PTPRK: variants seen among roughly 807,000 people sequenced by gnomAD.
PTPRK encodes protein tyrosine phosphatase receptor type K, also known as receptor-type tyrosine-protein phosphatase kappa.
Under a neutral mutation model 178.0 loss-of-function variants are expected in PTPRK, and 75 were observed. The ratio of observed to expected loss-of-function variants is 0.42; its 90% CI spans 0.35 to 0.51. PTPRK has a LOEUF of 0.51. Ranked by LOEUF, PTPRK falls within the 20% of genes least tolerant of loss-of-function variation. The pLI, the probability that PTPRK is intolerant of heterozygous loss-of-function variation, is 0.02. For synonymous variants in PTPRK, 637 were observed against 620.6 expected (o/e 1.03, Z -0.39); for missense variants, 1,441 against 1,797.8 (o/e 0.80, Z 3.59).
intron 1 of PTPRK, among the ~76,000 whole-genome samples, chr6:128,415,674 A>T (rs570824690): frequency 6.6e-6 from 1 of 152,324 alleles, no homozygotes; most frequent in South Asian, 2.1e-4. Context: ...CTTGTTGAAG[A>T]TAATGGCATG....
intron 2 of PTPRK, among the ~76,000 whole-genome samples, chr6:128,343,315 C>G (rs1264627084): frequency 6.6e-6 from 1 of 151,926 alleles, no homozygotes; most frequent in Non-Finnish European, 1.5e-5. Flanking sequence ...GCCTGGCCAA[C>G]ATGGTGAGAC....
chr6:128,151,786 T>A (rs1302591688), intron 7 of PTPRK, among the ~76,000 whole-genome samples: 1 of 151,920 alleles, frequency 6.6e-6, no homozygotes, highest in Non-Finnish European at 1.5e-5. Flanking sequence ...GGAAACAGAA[T>A]AACAGATGAT....
chr6:128,112,401 G>C (rs910006792), intron 7 of PTPRK, among the ~76,000 whole-genome samples: 2 of 151,934 alleles, frequency 1.3e-5, no homozygotes, highest in Non-Finnish European at 2.9e-5. Flanking sequence ...AGAAAAATAA[G>C]GTATTGAATC....
intron 7 of PTPRK, among the ~76,000 whole-genome samples, chr6:128,180,624 A>G (rs1314737193): frequency 6.6e-6 from 1 of 152,116 alleles, no homozygotes; most frequent in Non-Finnish European, 1.5e-5. Flanking sequence ...AGCTTTGGCA[A>G]CCAGACAGGA....
chr6:128,001,998 C>T (rs73582617), intron 15 of PTPRK, among the ~76,000 whole-genome samples: 1,840 of 151,932 alleles, frequency 0.012, 41 homozygotes, highest in African/African-American at 0.042. Context: ...TGTGATAAGA[C>T]CACTCCCTGG....
At chr6:128,431,980 G>T (rs1215202520) in intron 1 of PTPRK, among the ~76,000 whole-genome samples, 1 of 152,026 alleles carries the variant, frequency 6.6e-6, no homozygotes, top group Non-Finnish European at 1.5e-5. Context: ...AAGGAAGGAA[G>T]GAAGGAAGGA....
chr6:128,204,433 G>A (rs1404793042), intron 6 of PTPRK, among the ~76,000 whole-genome samples: 1 of 151,090 alleles, frequency 6.6e-6, no homozygotes, highest in Non-Finnish European at 1.5e-5. Flanking sequence ...GGGATCTAAC[G>A]AAAGAACTTC....
chr6:128,409,770 C>T (rs1017284376), intron 1 of PTPRK, among the ~76,000 whole-genome samples: 4 of 152,134 alleles, frequency 2.6e-5, no homozygotes, highest in African/African-American at 9.6e-5. Flanking sequence ...TAAAAGGGGG[C>T]GTTTTCCTGC....
intron 7 of PTPRK, 96 bp downstream of exon 7, chr6:128,184,334 CAT>C: frequency 2.5e-6 from 3 of 1,178,658 alleles, no homozygotes; most frequent in East Asian, 5.1e-5. Flanking sequence ...GTGACTATAT[CAT>C]ATATCAAATA....
At chr6:128,445,676 T>A (rs914321610) in intron 1 of PTPRK, among the ~76,000 whole-genome samples, 5 of 152,178 alleles carry the variant, frequency 3.3e-5, no homozygotes, top group East Asian at 1.9e-4. Context: ...TTGATTTTTT[T>A]AAATGTTTTG....
chr6:128,316,262 C>T (rs1210532228), intron 3 of PTPRK, among the ~76,000 whole-genome samples: 1 of 152,162 alleles, frequency 6.6e-6, no homozygotes, highest in Non-Finnish European at 1.5e-5. Context: ...GTATCTCTTC[C>T]ACTGCTCCTT....
chr6:128,007,889 G>A (rs1022837478), intron 14 of PTPRK, among the ~76,000 whole-genome samples: 2 of 150,854 alleles, frequency 1.3e-5, no homozygotes, highest in Non-Finnish European at 3.0e-5. Flanking sequence ...GATTTTTATT[G>A]ATCTTTACTG....
chr6:128,159,281 T>C (rs1403865168), intron 7 of PTPRK, among the ~76,000 whole-genome samples: 1 of 151,876 alleles, frequency 6.6e-6, no homozygotes, highest in African/African-American at 2.4e-5. Flanking sequence ...CAAAAGGATA[T>C]AGCAAGTTTC....
At chr6:128,196,528 C>T (rs1380740534) in intron 6 of PTPRK, among the ~76,000 whole-genome samples, 1 of 152,120 alleles carries the variant, frequency 6.6e-6, no homozygotes. Context: ...ACTTTCACAC[C>T]TTAATGGGGC....
intron 2 of PTPRK, among the ~76,000 whole-genome samples, chr6:128,339,441 G>GT (rs2081151447): frequency 6.6e-6 from 1 of 152,068 alleles, no homozygotes; most frequent in African/African-American, 2.4e-5. Context: ...ATCTACTAAT[G>GT]TATTTTTCCC....
chr6:128,069,199 A>T lies in PTPRK; in HGVS notation c.1884-1407T>A, dbSNP rs545174904. ...GTTATTTAAGCTCCCATTTTCCATT[A>T]AAATATTGCTAATAAATCAGTAGGT... On this transcript the variant is annotated intron_variant, in intron 11 of 29. Coordinates refer to ENST00000368226, the MANE Select transcript of PTPRK (RefSeq NM_002844.4). Among the ~76,000 whole-genome samples, 10 of 152,322 alleles carry T rather than the reference A, an allele frequency of 6.6e-5. 1 individual carries two copies. The South Asian group carries it at 2.1e-3, about 32-fold the overall frequency.
chr6:128,435,885 C>T (rs1466074735), intron 1 of PTPRK, among the ~76,000 whole-genome samples: 1 of 151,688 alleles, frequency 6.6e-6, no homozygotes, highest in East Asian at 1.9e-4. Flanking sequence ...CTCAAATAAA[C>T]CATACTAGAA....
At chr6:128,451,689 C>T (rs765594837) in intron 1 of PTPRK, among the ~76,000 whole-genome samples, 1 of 151,790 alleles carries the variant, frequency 6.6e-6, no homozygotes, top group African/African-American at 2.4e-5. Flanking sequence ...ACGTTTTATG[C>T]TAACATGTAA....
chr6:128,042,628 A>G (rs916820008), intron 13 of PTPRK, among the ~76,000 whole-genome samples: 1 of 152,082 alleles, frequency 6.6e-6, no homozygotes, highest in African/African-American at 2.4e-5. Context: ...ATGCAGAATA[A>G]CTTTTCCATC....
Sources: gnomAD v4.1 joint callset for allele counts (sites outside exome capture counted in the v4.1 genomes callset) on GRCh38, gnomAD v4.1.1 for gene constraint, MANE v1.5 for transcripts, NCBI Gene and HGNC (gene_info 2026-07-23, HGNC 2026-07-21) for gene names.